Variants in COMMD1 observed in about 807,000 individuals in gnomAD.
COMMD1 encodes copper metabolism domain containing 1.
Under a neutral mutation model 17.2 loss-of-function variants are expected in COMMD1, and 10 were observed. The observed-to-expected ratio is 0.58, with a 90% CI of 0.36 to 0.99. The LOEUF (loss-of-function observed/expected upper bound fraction) is 0.99, where lower values mean the gene tolerates loss of function less well. COMMD1 is among the 50% of genes least tolerant of loss of function. The probability of loss-of-function intolerance (pLI) is 0.01; values close to 1 mark genes in which losing one functional copy is unlikely to be tolerated. For synonymous variants in COMMD1, 97 were observed against 91.6 expected, an observed-to-expected ratio of 1.06 and a Z score of -0.34; for missense variants, 270 against 231.8, an observed-to-expected ratio of 1.17 and a Z score of -1.07.
chr2:61,891,988 A>C (rs1300739990), intron 1 of COMMD1, among the ~76,000 whole-genome samples: 1 of 150,780 alleles, frequency 6.6e-6, no homozygotes, highest in African/African-American at 2.4e-5. Flanking sequence ...CCCACCACCA[A>C]GCCCGGCTAG....
chr2:61,985,757 A>G (rs556493152), intron 1 of COMMD1, among the ~76,000 whole-genome samples: 16 of 152,304 alleles, frequency 1.1e-4, no homozygotes, highest in Admixed American at 2.0e-4. Context: ...AAAGAAAACT[A>G]GTAAAAACTC....
At chr2:61,896,199 G>A (rs950294757) in intron 1 of COMMD1, among the ~76,000 whole-genome samples, 1 of 152,234 alleles carries the variant, frequency 6.6e-6, no homozygotes, top group Non-Finnish European at 1.5e-5. Flanking sequence ...CAAAATTCAT[G>A]TGTTGGAAAC....
At chr2:62,017,631 C>T (rs1357771646) in intron 2 of COMMD1, among the ~76,000 whole-genome samples, 1 of 151,756 alleles carries the variant, frequency 6.6e-6, no homozygotes, top group Non-Finnish European at 1.5e-5. Flanking sequence ...GATCATGCCA[C>T]TGCACTCCAG....
At chr2:61,935,383 C>A (rs1233129349) in intron 1 of COMMD1, among the ~76,000 whole-genome samples, 1 of 152,174 alleles carries the variant, frequency 6.6e-6, no homozygotes, top group Non-Finnish European at 1.5e-5. Context: ...AATCCCAGCA[C>A]TTTGGGAGGC....
intron 2 of COMMD1, among the ~76,000 whole-genome samples, chr2:62,045,371 TC>T (rs1205173891): frequency 6.6e-6 from 1 of 152,146 alleles, no homozygotes; most frequent in Non-Finnish European, 1.5e-5. Context: ...TCTTGTGACC[TC>T]CAGCCACATG....
At chr2:62,000,558 C>CTGAG in intron 1 of COMMD1, 143 bp from the exon 2 acceptor site, 1 of 813,880 alleles carries the variant, frequency 1.2e-6, no homozygotes, top group Non-Finnish European at 2.0e-6. Context: ...TCCCAAAGTG[C>CTGAG]TGAGATTACA....
chr2:61,985,297 G>A (rs779927873), intron 1 of COMMD1, among the ~76,000 whole-genome samples: 4 of 152,072 alleles, frequency 2.6e-5, no homozygotes, highest in South Asian at 2.1e-4. Context: ...TGATCCGCCC[G>A]CCTTGGCCTC....
chr2:62,070,203 A>G (rs1453120310), intron 2 of COMMD1: 8 of 152,312 alleles, frequency 5.3e-5, no homozygotes, highest in African/African-American at 1.9e-4. Flanking sequence ...CTTGAACAAC[A>G]CGGGTTTGAA....
intron 1 of COMMD1, among the ~76,000 whole-genome samples, chr2:61,973,270 C>T (rs768947543): frequency 1.3e-5 from 2 of 152,090 alleles, no homozygotes; most frequent in Non-Finnish European, 2.9e-5. Context: ...AAGGTTTTTA[C>T]GTTGCAGAGG....
At chr2:61,930,550 C>T (rs190277161) in intron 1 of COMMD1, among the ~76,000 whole-genome samples, 291 of 151,214 alleles carry the variant, frequency 1.9e-3, no homozygotes, top group African/African-American at 5.7e-3. Flanking sequence ...AGCAAGACTC[C>T]GTCTCGGAAA....
intron 2 of COMMD1, among the ~76,000 whole-genome samples, chr2:62,049,697 G>C (rs1670486012): frequency 6.6e-6 from 1 of 152,138 alleles, no homozygotes; most frequent in African/African-American, 2.4e-5. Context: ...TTCCAGTACT[G>C]CAATATCGTA....
chr2:62,135,177 T>C (rs942875338), intron 2 of COMMD1, among the ~76,000 whole-genome samples: 1 of 152,302 alleles, frequency 6.6e-6, no homozygotes, highest in Admixed American at 6.5e-5. Context: ...CAGGTTAACC[T>C]CTTTGTGCCT....
intron 1 of COMMD1, among the ~76,000 whole-genome samples, chr2:61,953,233 C>G (rs957676834): frequency 1.8e-4 from 28 of 152,248 alleles, no homozygotes; most frequent in African/African-American, 6.3e-4. Flanking sequence ...TGATCTCGAA[C>G]TCCTGACCTC....
At chr2:61,917,705 G>A (rs1670085234) in intron 1 of COMMD1, among the ~76,000 whole-genome samples, 1 of 152,070 alleles carries the variant, frequency 6.6e-6, no homozygotes, top group South Asian at 2.1e-4. Flanking sequence ...TTTTGTTTTT[G>A]CATTTTTAGT....
chr2:61,984,318 G>A (rs932053239), intron 1 of COMMD1, among the ~76,000 whole-genome samples: 5 of 152,142 alleles, frequency 3.3e-5, no homozygotes, highest in Non-Finnish European at 5.9e-5. Context: ...GAGCCACCGC[G>A]CTCAACCTGT....
At chr2:61,983,749 G>A (rs964991326) in intron 1 of COMMD1, among the ~76,000 whole-genome samples, 2 of 151,704 alleles carry the variant, frequency 1.3e-5, no homozygotes, top group African/African-American at 4.8e-5. Flanking sequence ...TTGGCTAAAG[G>A]CTTGTCAATT....
At chr2:61,924,172 C>A (rs1670263766) in intron 1 of COMMD1, among the ~76,000 whole-genome samples, 1 of 152,162 alleles carries the variant, frequency 6.6e-6, no homozygotes, top group African/African-American at 2.4e-5. Context: ...GGTTTACTTA[C>A]AGGTGAGGAG....
At chr2:62,015,456 G>T (rs1558563113) in intron 2 of COMMD1, among the ~76,000 whole-genome samples, 1 of 151,956 alleles carries the variant, frequency 6.6e-6, no homozygotes, top group African/African-American at 2.4e-5. Context: ...CCACCTTTTG[G>T]CTCTTGTGAC....
At chr2:62,071,527 C>T (rs148293194) in intron 2 of COMMD1, among the ~76,000 whole-genome samples, 4 of 152,094 alleles carry the variant, frequency 2.6e-5, no homozygotes, top group African/African-American at 7.2e-5. Context: ...TTACCCAGGC[C>T]GTATTCAAGA....
Sources: gnomAD v4.1 joint callset for allele counts (sites outside exome capture counted in the v4.1 genomes callset) on GRCh38, gnomAD v4.1.1 for gene constraint, MANE v1.5 for transcripts, NCBI Gene and HGNC (gene_info 2026-07-23, HGNC 2026-07-21) for gene names.